ATP6V1B1: variants seen among roughly 807,000 people sequenced by gnomAD.
The protein encoded by ATP6V1B1 is V-type proton ATPase subunit B, kidney isoform.
In ATP6V1B1, 41 loss-of-function variants were observed where a neutral mutation model predicts 62.1. That is an observed-to-expected ratio of 0.66 (90% CI 0.51 to 0.86). The LOEUF (loss-of-function observed/expected upper bound fraction) is 0.86, where lower values mean the gene tolerates loss of function less well. Among genes scored for constraint, ATP6V1B1 ranks in the 40% least tolerant of loss-of-function variants. The pLI, the probability that ATP6V1B1 is intolerant of heterozygous loss-of-function variation, is 0.00. For synonymous variants in ATP6V1B1, 253 were observed against 273.4 expected (o/e 0.93, Z 0.74); for missense variants, 651 against 697.5 (o/e 0.93, Z 0.75).
intron 2 of ATP6V1B1, chr2:70,944,257 A>G (rs1183751661): frequency 1.6e-6 from 2 of 1,282,606 alleles, no homozygotes; most frequent in African/African-American, 3.0e-5. Flanking sequence ...CACCAAAGGT[A>G]AGTGGGCTGT....
chr2:70,961,613 C>T lies in ATP6V1B1; in HGVS notation c.705C>T (p.Ala235=). The T allele has an allele frequency of 6.2e-7, 1 of 1,614,246 alleles. No individual in the cohort carries two copies. Among genetic ancestry groups the T allele is most frequent in the Non-Finnish European group, 8.5e-7 (1 of 1,180,040 alleles). ...GTATCCAGGTGAACATGGAGACAGCCAGATTCTTCAAGTCTGACTTTGAGC... is the reference window on the plus strand; with the variant it reads ...GTATCCAGGTGAACATGGAGACAGCTAGATTCTTCAAGTCTGACTTTGAGC... ...FAAMGVNMET[A]RFFKSDFEQN... Residue 235 remains alanine, a synonymous_variant, in exon 8 of 14, where the codon GCC becomes GCT. Coordinates refer to ENST00000234396, the MANE Select transcript of ATP6V1B1 (RefSeq NM_001692.4).
rs1553416800 is a variant in ATP6V1B1 at position 70,943,693 on chromosome 2, G to C, written c.154G>C (p.Val52Leu). 1 of 1,613,814 alleles carries C rather than the reference G, an allele frequency of 6.2e-7. No homozygotes were observed. Among genetic ancestry groups the C allele is most frequent in the East Asian group, 2.2e-5 (1 of 44,864 alleles). Reference protein sequence around the residue: ...RTVCSVNGPLVVLDRVKFAQY... With the variant: ...RTVCSVNGPLLVLDRVKFAQY... ...TGTGTGCAGCGTGAACGGGCCCCTG[G>C]TGGTGCTGGACCGGGTCAAGGTAAG... Residue 52 changes from valine (V) to leucine (L), a missense_variant, in exon 2 of 14, where the codon GTG (valine) becomes CTG (leucine). Transcript: ENST00000234396.
chr2:70,963,402 G>A lies in ATP6V1B1; in HGVS notation c.1060+90G>A. 1 of 1,593,956 alleles carries A rather than the reference G, an allele frequency of 6.3e-7. No homozygotes were observed. The highest frequency in any genetic ancestry group is 8.6e-7 in the Non-Finnish European group (1 of 1,163,106). On this transcript the variant is annotated intron_variant, in intron 10 of 13. Transcript: ENST00000234396. This position sits in a 1 kb window ranked among gnomAD's most constrained non-coding sequence, Gnocchi z 4.3. ...TAAAGGGCCCACGTTGCTTTGCACA[G>A]ATGTGCAGCAGCGCTTTTCCTCCAT...
chr2:70,944,835 A>G (rs1553417054), intron 2 of ATP6V1B1, among the ~76,000 whole-genome samples: 6 of 151,852 alleles, frequency 4.0e-5, no homozygotes, highest in Non-Finnish European at 8.8e-5. Context: ...CGCCCAGCTG[A>G]TTATTTGTTT....
In ATP6V1B1 at chr2:70,964,872, C is replaced by G. The variant is rs782518742; in HGVS notation, c.1378+7C>G. ...AAGAACTTCATCAATCAGGGTAAGG[C>G]GCGTCGCTGGTGTGGAGCCAGTAAC... On this transcript the variant is annotated splice_region_variant and intron_variant, in intron 13 of 13. Coordinates refer to ENST00000234396, the MANE Select transcript of ATP6V1B1 (RefSeq NM_001692.4). 1 of 1,614,068 alleles carries G rather than the reference C, an allele frequency of 6.2e-7. No individual in the cohort carries two copies. Among genetic ancestry groups the G allele is most frequent in the South Asian group, 1.1e-5 (1 of 91,082 alleles).
chr2:70,950,761 G>T (rs113512105), intron 2 of ATP6V1B1, among the ~76,000 whole-genome samples: 1 of 151,600 alleles, frequency 6.6e-6, no homozygotes, highest in Non-Finnish European at 1.5e-5. Context: ...CTCTTTTTCC[G>T]TCAGTATACT....
chr2:70,944,720 G>A (rs1348576633), intron 2 of ATP6V1B1, among the ~76,000 whole-genome samples: 2 of 148,124 alleles, frequency 1.4e-5, no homozygotes, highest in Non-Finnish European at 3.0e-5. Context: ...CCAGGCTGGA[G>A]TGCAGTGGCG....
chr2:70,955,027 TA>T (rs1680401703), intron 2 of ATP6V1B1, among the ~76,000 whole-genome samples: 1 of 152,158 alleles, frequency 6.6e-6, no homozygotes, highest in Admixed American at 6.5e-5. Context: ...TAGCTGTGGG[TA>T]AAGACTGGGA....
chr2:70,950,562 G>A (rs1046661371), intron 2 of ATP6V1B1, among the ~76,000 whole-genome samples: 1 of 151,478 alleles, frequency 6.6e-6, no homozygotes, highest in African/African-American at 2.4e-5. Flanking sequence ...AGATGGGATG[G>A]TTTTCTCCGT....
rs1553420694 is a variant in ATP6V1B1, at chr2:70,964,502, G to T, written c.1208G>T (p.Gly403Val). Residue 403 changes from glycine to valine, a missense_variant, in exon 12 of 14, where the codon GGC becomes GTC. By Grantham distance (109) the Gly-to-Val change is moderately radical. Transcript: ENST00000234396. ...SRLMKSAIGE[G>V]MTRKDHGDVS... ...CTGATGAAGTCAGCCATTGGGGAAG[G>T]CATGACAAGAAAGGACCATGGAGAT... 4 of 1,614,038 alleles carry T rather than the reference G, an allele frequency of 2.5e-6. No individual in the cohort carries two copies. Among genetic ancestry groups the T allele is most frequent in the South Asian group, 1.1e-5 (1 of 91,088 alleles).
At chr2:70,945,699 G>GATACATATATATATATAT (rs1450719874) in intron 2 of ATP6V1B1, among the ~76,000 whole-genome samples, 1 of 70,100 alleles carries the variant, frequency 1.4e-5, no homozygotes, top group Non-Finnish European at 2.8e-5. Context: ...GCTATTTGAA[G>GATACATATATATATATAT]AGATATATAT....
chr2:70,949,968 T>C (rs1553418001), intron 2 of ATP6V1B1, among the ~76,000 whole-genome samples: 1 of 152,242 alleles, frequency 6.6e-6, no homozygotes, highest in African/African-American at 2.4e-5. Context: ...GAAGAAAAGC[T>C]CTTCCAGTAT....
rs1191441377 is a variant in ATP6V1B1 at position 70,965,247 on chromosome 2, TG to T, written c.*131del. Reference sequence around the variant, plus strand: ...CCGCCCTCCGCTGGCTCCGAGGTGGTGGGGGCGCCGCACGCTCCATCCCTTT... The same window carrying T: ...CCGCCCTCCGCTGGCTCCGAGGTGGTGGGGCGCCGCACGCTCCATCCCTTT... On this transcript the variant is annotated 3_prime_UTR_variant, in exon 14 of 14. Transcript: ENST00000234396. 2 of 1,361,784 alleles carry T rather than the reference TG, an allele frequency of 1.5e-6. No homozygotes were observed. Among genetic ancestry groups the T allele is most frequent in the Non-Finnish European group, 2.0e-6 (2 of 993,404 alleles). 84.4% of individuals were successfully genotyped at this position (1,361,784 alleles called of 1,614,324 possible). A position where few individuals can be genotyped will look rare whatever the true frequency, so the allele number is the denominator to read the frequency against.
intron 2 of ATP6V1B1, among the ~76,000 whole-genome samples, chr2:70,957,342 C>T (rs781797725): frequency 6.6e-5 from 10 of 151,910 alleles, no homozygotes; most frequent in South Asian, 6.2e-4. Flanking sequence ...TCAAGTGATC[C>T]GCCCACCTCG....
Position 70,963,316 on chromosome 2 carries a change from G to GCCT in ATP6V1B1, c.1060+9_1060+11dup. ...ATCCTCACCATGCCCAACGACGGTAGCCTCCTCACAGCCCACTACCCTCCA... is the reference window on the plus strand; with the variant it reads ...ATCCTCACCATGCCCAACGACGGTAGCCTCCTCCTCACAGCCCACTACCCTCCA... On this transcript the variant is annotated splice_donor_region_variant and intron_variant, in intron 10 of 13. Coordinates refer to ENST00000234396, the MANE Select transcript of ATP6V1B1 (RefSeq NM_001692.4). The surrounding 1 kb of genome is among the most constrained non-coding windows in gnomAD (Gnocchi z 4.3). The GCCT allele has an allele frequency of 6.2e-7, 1 of 1,612,712 alleles. No homozygotes were observed. Among genetic ancestry groups the GCCT allele is most frequent in the Non-Finnish European group, 8.5e-7 (1 of 1,180,012 alleles).
chr2:70,955,290 C>A (rs1319303347), intron 2 of ATP6V1B1, among the ~76,000 whole-genome samples: 1 of 152,204 alleles, frequency 6.6e-6, no homozygotes, highest in Non-Finnish European at 1.5e-5. Context: ...CTCCTGGGCT[C>A]AAGTGATCTT....
chr2:70,936,115 A>G, intron 1 of ATP6V1B1, 43 bp downstream of exon 1: 1 of 1,578,980 alleles, frequency 6.3e-7, no homozygotes, highest in Non-Finnish European at 8.7e-7. Context: ...CAGGGTGGGG[A>G]GCTGGGGTGG....
chr2:70,942,512 G>T, intron 1 of ATP6V1B1: 2 of 397,738 alleles, frequency 5.0e-6, no homozygotes, highest in Non-Finnish European at 8.9e-6. Flanking sequence ...AGGGACTTTT[G>T]GTTTTTCTTT....
chr2:70,951,977 G>A (rs1553418364), intron 2 of ATP6V1B1, among the ~76,000 whole-genome samples: 2 of 151,936 alleles, frequency 1.3e-5, no homozygotes, highest in Non-Finnish European at 1.5e-5. Flanking sequence ...TGGTCTTACT[G>A]TATAAACAAA....
Sources: gnomAD v4.1 joint callset for allele counts (sites outside exome capture counted in the v4.1 genomes callset) on GRCh38, gnomAD v4.1.1 for gene constraint, Gnocchi (gnomAD v3.1) non-coding constraint, MANE v1.5 for transcripts, NCBI Gene and HGNC (gene_info 2026-07-23, HGNC 2026-07-21) for gene names.